TMEM230: variants seen among roughly 807,000 people sequenced by gnomAD.
TMEM230 encodes transmembrane protein 230, also known as UPF0414 transmembrane protein C20orf30.
In TMEM230, 10 loss-of-function variants were observed where a neutral mutation model predicts 15.8. The observed-to-expected ratio is 0.63, with a 90% confidence interval of 0.39 to 1.07. The LOEUF (loss-of-function observed/expected upper bound fraction) is 1.07, where lower values mean the gene tolerates loss of function less well. Among genes scored for constraint, TMEM230 ranks in the 50% least tolerant of loss-of-function variants. The pLI is 0.01. For missense variants in TMEM230, 165 were observed against 193.3 expected (o/e 0.85, Z 0.87); for synonymous variants, 67 against 76.9 (o/e 0.87, Z 0.68).
chr20:5,092,339 C>T (rs1301248505), intron 3 of TMEM230, among the ~76,000 whole-genome samples: 1 of 152,202 alleles, frequency 6.6e-6, no homozygotes, highest in East Asian at 1.9e-4. Context: ...TGTGGTTTCA[C>T]TCCCCATTAA....
chr20:5,078,950 C>T (rs1210978870), intron 3 of TMEM230, among the ~76,000 whole-genome samples: 1 of 151,972 alleles, frequency 6.6e-6, no homozygotes, highest in East Asian at 1.9e-4. Flanking sequence ...CCAATGGGCC[C>T]AGCCTACATT....
chr20:5,103,286 A>T (rs1431623198), intron 4 of TMEM230, among the ~76,000 whole-genome samples: 1 of 151,944 alleles, frequency 6.6e-6, no homozygotes. Context: ...ACATAATGAG[A>T]TCTCATCTCT....
In TMEM230 at chr20:5,101,347, C is replaced by T. The variant is rs192386049; in HGVS notation, c.412-416G>A. ...TGCTGGACACTTTGGTTGTTTTTCA[C>T]CTTTTGTAATTGTACAGATACCACT... On this transcript the variant is annotated intron_variant, in intron 4 of 4. Coordinates refer to ENST00000342308, the MANE Select transcript of TMEM230 (RefSeq NM_001009923.2). Among the ~76,000 whole-genome samples, 211 of 152,294 alleles carry T rather than the reference C, an allele frequency of 1.4e-3. 4 individuals carry two copies. In the Middle Eastern group the frequency reaches 0.027, roughly 20 times the overall value.
At chr20:5,070,603 G>A (rs187954040) in intron 3 of TMEM230, among the ~76,000 whole-genome samples, 1 of 152,346 alleles carries the variant, frequency 6.6e-6, no homozygotes, top group Admixed American at 6.5e-5. Context: ...GCAAAGGGCT[G>A]TGGTAGGTGA....
In TMEM230 at chr20:5,090,561, T is replaced by C. The variant is rs541053457; in HGVS notation, c.222+15627A>G. ...GGGGATATATACAAATGGGGTCAGT[T>C]TGGGCTTAACTAGAGACAGATACAT... On this transcript the variant is annotated intron_variant, in intron 3 of 3. Coordinates refer to the TMEM230 transcript ENST00000612323. 3.0e-4 allele frequency among the ~76,000 whole-genome samples: 45 copies of C among 152,226 alleles called. 1 individual carries two copies. In the South Asian group the frequency reaches 9.1e-3, roughly 31 times the overall value.
intron 3 of TMEM230, among the ~76,000 whole-genome samples, chr20:5,082,234 T>TTC (rs59648052): frequency 5.5e-4 from 82 of 149,098 alleles, no homozygotes; most frequent in Non-Finnish European, 3.4e-4. Flanking sequence ...CTCTCTCTCT[T>TTC]TCTCTCTCTC....
chr20:5,095,836 G>A (rs978050141), downstream of TMEM230, among the ~76,000 whole-genome samples: 3 of 152,240 alleles, frequency 2.0e-5, no homozygotes, highest in African/African-American at 7.2e-5. Flanking sequence ...CCACAGACCA[G>A]ACTGCATTTG....
intron 3 of TMEM230, among the ~76,000 whole-genome samples, chr20:5,081,858 G>A (rs2089183335): frequency 7.8e-6 from 1 of 128,508 alleles, no homozygotes; most frequent in African/African-American, 3.0e-5. Context: ...GAAATTCACT[G>A]ATTTTCTTTT....
At chr20:5,109,920 G>A (rs1470077481) in intron 2 of TMEM230, among the ~76,000 whole-genome samples, 1 of 152,244 alleles carries the variant, frequency 6.6e-6, no homozygotes, top group Non-Finnish European at 1.5e-5. Flanking sequence ...GTTTGACAGG[G>A]AGGGAGAAGA....
chr20:5,093,343 G>A (rs538614346), intron 3 of TMEM230, among the ~76,000 whole-genome samples: 2 of 152,010 alleles, frequency 1.3e-5, no homozygotes, highest in East Asian at 1.9e-4. Context: ...CACCTCCTGG[G>A]CTCAAGCTAT....
chr20:5,063,042 G>T, the TMEM230 span, among the ~76,000 whole-genome samples: 1 of 152,086 alleles, frequency 6.6e-6, no homozygotes, highest in Non-Finnish European at 1.5e-5. Context: ...AGAGACTCCA[G>T]TGTCTTCAGA....
chr20:5,069,532 A>C (rs190767305), intron 3 of TMEM230, among the ~76,000 whole-genome samples: 9 of 152,246 alleles, frequency 5.9e-5, no homozygotes, highest in Admixed American at 5.2e-4. Flanking sequence ...GTGATCTGTC[A>C]CTCAGTGAGT....
downstream of TMEM230, among the ~76,000 whole-genome samples, chr20:5,097,313 A>G (rs562807648): frequency 3.3e-5 from 5 of 152,336 alleles, no homozygotes; most frequent in South Asian, 8.3e-4. Context: ...CAGAGTGGCA[A>G]CGGATCTGAA....
chr20:5,085,178 G>A (rs918981918), intron 3 of TMEM230, among the ~76,000 whole-genome samples: 15 of 151,960 alleles, frequency 9.9e-5, no homozygotes, highest in African/African-American at 1.5e-4. Context: ...TGATCTCACC[G>A]TAGGTACAAA....
At chr20:5,111,905 G>T in intron 1 of TMEM230, 1 of 484,824 alleles carries the variant, frequency 2.1e-6, no homozygotes. Context: ...AGAGTTTAGG[G>T]ACCCGATCTC....
At chr20:5,112,839 AG>A in intron 1 of TMEM230, 121 bp downstream of exon 1, 4 of 1,540,364 alleles carry the variant, frequency 2.6e-6, no homozygotes, top group Non-Finnish European at 1.7e-6. Context: ...CAACTGTGCC[AG>A]GGGGGACGAA....
In TMEM230 at chr20:5,100,451, A is replaced by T; in HGVS notation, c.*340T>A. The T allele has an allele frequency of 9.7e-7, 1 of 1,027,350 alleles. No individual in the cohort carries two copies. Among genetic ancestry groups the T allele is most frequent in the South Asian group, 3.8e-5 (1 of 26,426 alleles). 63.6% of individuals were successfully genotyped at this position (1,027,350 alleles called of 1,614,324 possible). Reference sequence around the variant, plus strand: ...CATACCACATTGTTCCATTTGCTACAAGAACAAATTGGCAATGAAGACTAT... The same window carrying T: ...CATACCACATTGTTCCATTTGCTACTAGAACAAATTGGCAATGAAGACTAT... On this transcript the variant is annotated 3_prime_UTR_variant, in exon 5 of 5. Coordinates refer to ENST00000342308, the MANE Select transcript of TMEM230 (RefSeq NM_001009923.2).
chr20:5,112,479 C>T (rs1414451107), intron 1 of TMEM230, among the ~76,000 whole-genome samples: 6 of 152,198 alleles, frequency 3.9e-5, no homozygotes, highest in Non-Finnish European at 8.8e-5. Context: ...GTTCATACAT[C>T]CGCATCAAAA....
intron 3 of TMEM230, among the ~76,000 whole-genome samples, chr20:5,077,097 G>A (rs762481181): frequency 1.1e-4 from 17 of 151,996 alleles, no homozygotes; most frequent in Non-Finnish European, 1.6e-4. Context: ...CTTGAGCCCA[G>A]GAGTTCGAGA....
Sources: gnomAD v4.1 joint callset for allele counts (sites outside exome capture counted in the v4.1 genomes callset) on GRCh38, gnomAD v4.1.1 for gene constraint, MANE v1.5 for transcripts, NCBI Gene and HGNC (gene_info 2026-07-23, HGNC 2026-07-21) for gene names.